MTUS2: variants seen among roughly 807,000 people sequenced by gnomAD.
MTUS2 encodes the protein microtubule associated scaffold protein 2.
In MTUS2, 40 loss-of-function variants were observed where a neutral mutation model predicts 114.1. That is an observed-to-expected ratio of 0.35 (90% CI 0.27 to 0.46). The LOEUF (loss-of-function observed/expected upper bound fraction) is 0.46, where lower values mean the gene tolerates loss of function less well. Among genes scored for constraint, MTUS2 ranks in the 20% least tolerant of loss-of-function variants. The probability of loss-of-function intolerance (pLI) is 1.00; values close to 1 mark genes in which losing one functional copy is unlikely to be tolerated. For missense variants in MTUS2, 1,679 were observed against 1,705.4 expected, an observed-to-expected ratio of 0.98 and a Z score of 0.27; for synonymous variants, 688 against 672.0, an observed-to-expected ratio of 1.02 and a Z score of -0.37.
chr13:29,231,089 A>G (rs1327485896), intron 5 of MTUS2, among the ~76,000 whole-genome samples: 1 of 152,218 alleles, frequency 6.6e-6, no homozygotes, highest in African/African-American at 2.4e-5. Flanking sequence ...AAGCAGTTCA[A>G]ACCATCTCAC....
At chr13:28,990,426 T>C (rs1382259917) in intron 2 of MTUS2, among the ~76,000 whole-genome samples, 2 of 152,076 alleles carry the variant, frequency 1.3e-5, no homozygotes, top group South Asian at 2.1e-4. Flanking sequence ...AGCAGAAGGA[T>C]TGTAAATGCA....
At chr13:29,061,274 G>A (rs577322820) in intron 4 of MTUS2, among the ~76,000 whole-genome samples, 1 of 152,224 alleles carries the variant, frequency 6.6e-6, no homozygotes, top group Non-Finnish European at 1.5e-5. Flanking sequence ...TATCTATAAA[G>A]TAACCTTTCT....
intron 4 of MTUS2, among the ~76,000 whole-genome samples, chr13:29,060,080 A>G (rs1203746313): frequency 6.6e-6 from 1 of 152,220 alleles, no homozygotes; most frequent in Non-Finnish European, 1.5e-5. Flanking sequence ...GTTCAGGCCA[A>G]AGCAGGACTG....
chr13:29,353,214 A>G (rs1869447621), intron 7 of MTUS2, among the ~76,000 whole-genome samples: 1 of 152,104 alleles, frequency 6.6e-6, no homozygotes, highest in Admixed American at 6.5e-5. Context: ...CACTCTGTTG[A>G]CCATCACTTC....
intron 5 of MTUS2, among the ~76,000 whole-genome samples, chr13:29,104,114 A>G (rs1013621115): frequency 2.6e-5 from 4 of 152,202 alleles, no homozygotes; most frequent in African/African-American, 9.6e-5. Flanking sequence ...CTCAGGCTTC[A>G]GGCCATTAGC....
chr13:28,890,454 A>G (rs549191368), intron 2 of MTUS2, among the ~76,000 whole-genome samples: 1 of 152,256 alleles, frequency 6.6e-6, no homozygotes, highest in South Asian at 2.1e-4. Context: ...GCACGTCACT[A>G]CATTTCTTTG....
intron 2 of MTUS2, among the ~76,000 whole-genome samples, chr13:28,911,509 G>T (rs940110998): frequency 6.6e-6 from 1 of 151,950 alleles, no homozygotes; most frequent in African/African-American, 2.4e-5. Flanking sequence ...TTTCCTTTGC[G>T]TATATACCCA....
At chr13:29,499,881 AT>A (rs1882775623) in intron 14 of MTUS2, among the ~76,000 whole-genome samples, 1 of 152,186 alleles carries the variant, frequency 6.6e-6, no homozygotes, top group East Asian at 1.9e-4. Context: ...ATGATGCTGG[AT>A]TGTCGCCAAG....
At chr13:29,389,189 A>T (rs2138407012) in intron 8 of MTUS2, among the ~76,000 whole-genome samples, 1 of 149,946 alleles carries the variant, frequency 6.7e-6, no homozygotes, top group African/African-American at 2.4e-5. Flanking sequence ...ATATCTATAT[A>T]TCTATATAGA....
intron 7 of MTUS2, among the ~76,000 whole-genome samples, chr13:29,344,598 A>T (rs538048594): frequency 5.3e-5 from 8 of 152,250 alleles, no homozygotes; most frequent in Non-Finnish European, 1.0e-4. Context: ...ATGAATTCTT[A>T]TCCATTCTGC....
At chr13:29,082,766 C>A (rs1286014921) in intron 4 of MTUS2, among the ~76,000 whole-genome samples, 3 of 152,058 alleles carry the variant, frequency 2.0e-5, no homozygotes, top group African/African-American at 4.8e-5. Flanking sequence ...CAGCACATGG[C>A]CAGAATTTGG....
At chr13:29,241,042 GAA>G (rs1490338969) in intron 5 of MTUS2, among the ~76,000 whole-genome samples, 1 of 152,018 alleles carries the variant, frequency 6.6e-6, no homozygotes, top group Non-Finnish European at 1.5e-5. Context: ...TATTGACAAA[GAA>G]GAGAGGAAAA....
intron 5 of MTUS2, among the ~76,000 whole-genome samples, chr13:29,122,839 C>T (rs1891366598): frequency 6.6e-6 from 1 of 152,206 alleles, no homozygotes; most frequent in Non-Finnish European, 1.5e-5. Context: ...GTATCACTGG[C>T]TCTCTCCTTC....
intron 2 of MTUS2, among the ~76,000 whole-genome samples, chr13:28,981,625 G>T (rs923219743): frequency 1.3e-5 from 2 of 152,216 alleles, no homozygotes; most frequent in Non-Finnish European, 2.9e-5. Flanking sequence ...TGTTTCCCTT[G>T]AGCTCTGGGA....
chr13:29,302,470 A>G (rs1899248553), intron 6 of MTUS2, among the ~76,000 whole-genome samples: 1 of 152,198 alleles, frequency 6.6e-6, no homozygotes, highest in African/African-American at 2.4e-5. Flanking sequence ...GGAGTGTCAC[A>G]TACTCTAGCC....
intron 2 of MTUS2, among the ~76,000 whole-genome samples, chr13:29,016,223 G>A (rs1412592747): frequency 1.3e-5 from 2 of 152,024 alleles, no homozygotes; most frequent in African/African-American, 4.8e-5. Context: ...TTTTATAATT[G>A]GCAATGTAAG....
At chr13:29,085,986 T>C (rs1889675269) in intron 4 of MTUS2, among the ~76,000 whole-genome samples, 1 of 152,182 alleles carries the variant, frequency 6.6e-6, no homozygotes, top group Non-Finnish European at 1.5e-5. Flanking sequence ...CTGACTGGTG[T>C]GAGATGGTAT....
At chr13:29,254,833 C>G (rs1897242724) in intron 5 of MTUS2, among the ~76,000 whole-genome samples, 1 of 152,214 alleles carries the variant, frequency 6.6e-6, no homozygotes, top group African/African-American at 2.4e-5. Context: ...TTTTTGTACT[C>G]TTGATCCAGA....
At chr13:28,833,717 A>G (rs1264329952) in intron 1 of MTUS2, among the ~76,000 whole-genome samples, 3 of 152,160 alleles carry the variant, frequency 2.0e-5, no homozygotes, top group East Asian at 3.8e-4. Context: ...AAGGAAAAGA[A>G]AGAAAAATCA....
Sources: allele counts gnomAD v4.1 joint callset (sites outside exome capture counted in the v4.1 genomes callset), GRCh38; gene constraint gnomAD v4.1.1; transcripts MANE v1.5; gene names NCBI Gene and HGNC (gene_info 2026-07-23, HGNC 2026-07-21).